The following SLC4A10 variants were observed in gnomAD, a reference collection of about 807,000 sequenced individuals.
The protein encoded by SLC4A10 is sodium-driven chloride bicarbonate exchanger.
In SLC4A10, 42 loss-of-function variants were observed where a neutral mutation model predicts 137.7. That is an observed-to-expected ratio of 0.30 (90% confidence interval 0.24 to 0.39). SLC4A10 has a LOEUF of 0.39. SLC4A10 is among the 10% of genes least tolerant of loss of function. SLC4A10 has a pLI of 1.00. For synonymous variants in SLC4A10, 474 were observed against 464.1 expected (o/e 1.02, Z -0.27); for missense variants, 925 against 1,355.0 (o/e 0.68, Z 4.98).
chr2:161,909,884 T>G (rs1685416924), intron 15 of SLC4A10, among the ~76,000 whole-genome samples: 1 of 152,182 alleles, frequency 6.6e-6, no homozygotes, highest in Non-Finnish European at 1.5e-5. Flanking sequence ...GTGGCTTTCT[T>G]GTTACTGTGA....
At chr2:161,713,005 G>A (rs1047007760) in intron 1 of SLC4A10, among the ~76,000 whole-genome samples, 4 of 151,888 alleles carry the variant, frequency 2.6e-5, no homozygotes, top group African/African-American at 9.7e-5. Context: ...AGTAACTATG[G>A]CAGAATATGA....
At chr2:161,735,541 C>T (rs2047256483) in intron 1 of SLC4A10, among the ~76,000 whole-genome samples, 1 of 152,104 alleles carries the variant, frequency 6.6e-6, no homozygotes, top group South Asian at 2.1e-4. Flanking sequence ...CTAATGCCTT[C>T]CCCAGTCATG....
Position 161,957,150 on chromosome 2 carries a change from C to G in SLC4A10, c.2703C>G (p.Pro901=), listed in dbSNP as rs775988209. Residue 901 remains proline, a synonymous_variant, in exon 20 of 27, where the codon CCC becomes CCG. Transcript: ENST00000446997. The stretch of plus-strand genomic sequence containing the variant: ...AATGCTCAGCTCCAGGAGAACAACC[C>G]AAATTTCTCGGCATTCGGGAGCAAA... The part of the protein sequence containing the change: ...ESECSAPGEQ[P]KFLGIREQRV... The G allele has an allele frequency of 2.5e-6, 4 of 1,613,600 alleles. No homozygotes were observed. Among genetic ancestry groups the G allele is most frequent in the African/African-American group, 1.3e-5 (1 of 74,854 alleles).
chr2:161,665,125 G>A (rs970162443), intron 1 of SLC4A10, among the ~76,000 whole-genome samples: 1 of 151,726 alleles, frequency 6.6e-6, no homozygotes, highest in Non-Finnish European at 1.5e-5. Context: ...TCCAAAAATA[G>A]TAGCGGCTTT....
chr2:161,813,642 T>G (rs1234341110), intron 3 of SLC4A10, among the ~76,000 whole-genome samples: 2 of 152,150 alleles, frequency 1.3e-5, no homozygotes, highest in Non-Finnish European at 2.9e-5. Context: ...CAGGAATGGA[T>G]TATCTGTAGG....
At chr2:161,636,619 C>T (rs762686130) in intron 1 of SLC4A10, among the ~76,000 whole-genome samples, 3 of 151,718 alleles carry the variant, frequency 2.0e-5, no homozygotes, top group Admixed American at 6.6e-5. Flanking sequence ...AGGCTGGTCT[C>T]GAACTCCTGA....
At chr2:161,862,278 C>T (rs1473232615) in intron 5 of SLC4A10, among the ~76,000 whole-genome samples, 4 of 152,096 alleles carry the variant, frequency 2.6e-5, no homozygotes, top group Non-Finnish European at 5.9e-5. Context: ...GATTTTCTAT[C>T]CATATGAAAC....
intron 21 of SLC4A10, 27 bp downstream of exon 21, chr2:161,958,582 C>T (rs754638569): frequency 5.2e-6 from 8 of 1,548,240 alleles, no homozygotes; most frequent in Admixed American, 3.5e-5. Context: ...ACTACAGGCA[C>T]ATCTGTGATG....
intron 6 of SLC4A10, among the ~76,000 whole-genome samples, chr2:161,867,524 T>C (rs2060834804): frequency 6.6e-6 from 1 of 152,016 alleles, no homozygotes; most frequent in South Asian, 2.1e-4. Context: ...GATGACATTG[T>C]TGACACAACT....
At chr2:161,964,744 A>G (rs1223921724) in intron 22 of SLC4A10, among the ~76,000 whole-genome samples, 1 of 152,118 alleles carries the variant, frequency 6.6e-6, no homozygotes, top group Non-Finnish European at 1.5e-5. Context: ...TTCATTTAAT[A>G]TAGTATAAAC....
intron 2 of SLC4A10, among the ~76,000 whole-genome samples, chr2:161,773,836 T>G (rs2051981405): frequency 6.6e-6 from 1 of 151,928 alleles, no homozygotes; most frequent in Non-Finnish European, 1.5e-5. Context: ...CAATTTTATG[T>G]CTTTTCCTCC....
intron 5 of SLC4A10, 98 bp downstream of exon 5, chr2:161,855,228 T>C: frequency 8.8e-7 from 1 of 1,135,490 alleles, no homozygotes; most frequent in Non-Finnish European, 1.2e-6. Context: ...TTTGGAAAAC[T>C]AATTCTCATA....
chr2:161,916,260 T>G (rs1687092943), intron 15 of SLC4A10, among the ~76,000 whole-genome samples: 1 of 152,226 alleles, frequency 6.6e-6, no homozygotes, highest in African/African-American at 2.4e-5. Context: ...TCCCCCTCAG[T>G]AAATGACAAT....
At chr2:161,875,564 CT>C (rs1408515428) in intron 8 of SLC4A10, among the ~76,000 whole-genome samples, 3 of 152,128 alleles carry the variant, frequency 2.0e-5, no homozygotes, top group Admixed American at 2.0e-4. Context: ...TCCCATAATA[CT>C]TTTAAAAAGC....
chr2:161,870,655 C>A (rs933401162), intron 6 of SLC4A10, among the ~76,000 whole-genome samples: 1 of 151,690 alleles, frequency 6.6e-6, no homozygotes, highest in Non-Finnish European at 1.5e-5. Flanking sequence ...TTTAAAACTA[C>A]AGTTATTATT....
chr2:161,666,314 C>T lies in SLC4A10; in HGVS notation c.48+41748C>T, dbSNP rs146547011. Among the ~76,000 whole-genome samples the T allele has an allele frequency of 8.6e-5, 13 of 151,660 alleles. No homozygotes were observed. In the East Asian group the frequency reaches 1.7e-3, roughly 20 times the overall value. Reference sequence around the variant, plus strand: ...GATACTCTTTGTTAGAGTGCCAGTTCCTTTGGTATGTGTTTCTTTTTGTCA... The same window carrying T: ...GATACTCTTTGTTAGAGTGCCAGTTTCTTTGGTATGTGTTTCTTTTTGTCA... On this transcript the variant is annotated intron_variant, in intron 1 of 26. Coordinates refer to ENST00000446997, the MANE Select transcript of SLC4A10 (RefSeq NM_001178015.2).
chr2:161,666,653 A>G (rs768533662), intron 1 of SLC4A10, among the ~76,000 whole-genome samples: 3 of 151,756 alleles, frequency 2.0e-5, no homozygotes, highest in Non-Finnish European at 4.4e-5. Flanking sequence ...ATGAGCTAGT[A>G]TTTCTCAGAT....
chr2:161,961,244 G>A (rs1696658293), intron 21 of SLC4A10, among the ~76,000 whole-genome samples: 1 of 152,162 alleles, frequency 6.6e-6, no homozygotes, highest in Non-Finnish European at 1.5e-5. Context: ...GGGAGAAAAA[G>A]CAGAACTTAG....
chr2:161,643,715 C>T (rs1319149993), intron 1 of SLC4A10, among the ~76,000 whole-genome samples: 2 of 152,018 alleles, frequency 1.3e-5, no homozygotes, highest in East Asian at 3.9e-4. Flanking sequence ...TAAATATTTT[C>T]CATTATTTGT....
Sources: gnomAD v4.1 joint callset for allele counts (sites outside exome capture counted in the v4.1 genomes callset) on GRCh38, gnomAD v4.1.1 for gene constraint, MANE v1.5 for transcripts, NCBI Gene and HGNC (gene_info 2026-07-23, HGNC 2026-07-21) for gene names.